Variants in CPNE8 observed in about 807,000 individuals in gnomAD.
CPNE8 encodes the protein copine 8, also known as copine-8.
A neutral mutation model predicts 81.5 loss-of-function variants in CPNE8; 45 were observed. The observed-to-expected ratio is 0.55, with a 90% CI of 0.44 to 0.71. CPNE8 has a LOEUF of 0.71. CPNE8 is among the 30% of genes least tolerant of loss of function. The pLI is 0.00. For synonymous variants in CPNE8, 252 were observed against 226.3 expected (o/e 1.11, Z -1.02); for missense variants, 594 against 672.1 (o/e 0.88, Z 1.28).
chr12:38,796,742 G>T (rs995305052), intron 6 of CPNE8, among the ~76,000 whole-genome samples: 1 of 152,120 alleles, frequency 6.6e-6, no homozygotes, highest in African/African-American at 2.4e-5. Flanking sequence ...GCAGGGTGAG[G>T]AATTGCCTCA....
chr12:38,691,748 CCAAGAT>C (rs1189335235), intron 15 of CPNE8, among the ~76,000 whole-genome samples: 1 of 152,092 alleles, frequency 6.6e-6, no homozygotes, highest in African/African-American at 2.4e-5. Flanking sequence ...GCTGGAAAGT[CCAAGAT>C]CAAGAAGTCA....
chr12:38,758,762 A>G (rs1230171630), intron 10 of CPNE8, among the ~76,000 whole-genome samples: 1 of 152,214 alleles, frequency 6.6e-6, no homozygotes, highest in African/African-American at 2.4e-5. Context: ...AGGAATGCTC[A>G]AAATGCTCAA....
At chr12:38,763,983 A>T (rs1333262353) in intron 8 of CPNE8, among the ~76,000 whole-genome samples, 1 of 152,110 alleles carries the variant, frequency 6.6e-6, no homozygotes, top group Non-Finnish European at 1.5e-5. Flanking sequence ...TACTTTATGA[A>T]AGGATCAAGT....
chr12:38,802,537 A>G (rs1211344426), intron 6 of CPNE8, among the ~76,000 whole-genome samples: 1 of 67,450 alleles, frequency 1.5e-5, no homozygotes, highest in Non-Finnish European at 3.1e-5. Flanking sequence ...ATAGCACTAA[A>G]CGCCTACAAG....
At position 38,876,007 on chromosome 12, in the gene CPNE8, ATAT is replaced by A. The variant is rs538354894; in HGVS notation, c.99-1499_99-1497del. On this transcript the variant is annotated intron_variant, in intron 1 of 19. Transcript: ENST00000331366. ...TTTGCTCATTAGGTATCCTAGGAAA[ATAT>A]TATGCTGTTTCTTTCAGAATTCACA... is the stretch of plus-strand genomic sequence containing the variant. 2.9e-3 allele frequency among the ~76,000 whole-genome samples: 449 copies of A among 152,282 alleles called. 2 individuals carry two copies. Among genetic ancestry groups the A allele is most frequent in the Non-Finnish European group, 4.9e-3 (331 of 68,022 alleles).
rs541704501 is a variant in CPNE8, at chr12:38,685,627, T to C, written c.1144-10A>G. Reference sequence around the variant, plus strand: ...TTTGAGGATTCCCATTCTGTAGAAATTTATAGGCAAAACAAAACAAAACAA... The same window carrying C: ...TTTGAGGATTCCCATTCTGTAGAAACTTATAGGCAAAACAAAACAAAACAA... On this transcript the variant is annotated splice_polypyrimidine_tract_variant and intron_variant, in intron 15 of 19. Coordinates refer to ENST00000331366, the MANE Select transcript of CPNE8 (RefSeq NM_153634.3). 4.7e-5 allele frequency: 76 copies of C among 1,606,894 alleles called. No individual in the cohort carries two copies. Among genetic ancestry groups the C allele is most frequent in the Non-Finnish European group, 6.0e-5 (71 of 1,177,722 alleles).
intron 6 of CPNE8, 38 bp downstream of exon 6, chr12:38,829,341 A>T: frequency 7.3e-7 from 1 of 1,366,300 alleles, no homozygotes; most frequent in South Asian, 1.2e-5. Context: ...GAAACTGTTA[A>T]AGTTGGCATT....
At chr12:38,756,458 A>T (rs1213331224) in intron 10 of CPNE8, among the ~76,000 whole-genome samples, 1 of 150,974 alleles carries the variant, frequency 6.6e-6, no homozygotes, top group East Asian at 2.0e-4. Flanking sequence ...GGCTCAAGCC[A>T]TCTTCCTGCC....
intron 13 of CPNE8, among the ~76,000 whole-genome samples, chr12:38,723,090 A>G (rs904875521): frequency 3.3e-5 from 5 of 152,158 alleles, no homozygotes; most frequent in South Asian, 2.1e-4. Flanking sequence ...TAAATTACCC[A>G]GTTCGGGGTA....
At chr12:38,821,268 C>T (rs1166384220) in intron 6 of CPNE8, among the ~76,000 whole-genome samples, 1 of 152,076 alleles carries the variant, frequency 6.6e-6, no homozygotes, top group Non-Finnish European at 1.5e-5. Flanking sequence ...AAGACAGGAA[C>T]AACTTTGCAT....
intron 18 of CPNE8, among the ~76,000 whole-genome samples, chr12:38,675,018 T>C (rs1939257026): frequency 6.6e-6 from 1 of 152,210 alleles, no homozygotes; most frequent in Non-Finnish European, 1.5e-5. Flanking sequence ...CTTAAAGGAA[T>C]TTATCAGATG....
At chr12:38,657,653 G>T (rs1565556707) in intron 19 of CPNE8, among the ~76,000 whole-genome samples, 1 of 152,130 alleles carries the variant, frequency 6.6e-6, no homozygotes. Context: ...ATACAGCTGG[G>T]TGCCCCTCTG....
intron 13 of CPNE8, 62 bp downstream of exon 13, chr12:38,723,710 C>T (rs926391253): frequency 1.0e-5 from 10 of 988,882 alleles, no homozygotes; most frequent in South Asian, 2.6e-5. Context: ...CTCGTGGTAG[C>T]GCTTGTTACA....
intron 1 of CPNE8, among the ~76,000 whole-genome samples, chr12:38,881,052 TA>T (rs1944147577): frequency 6.7e-6 from 1 of 149,794 alleles, no homozygotes; most frequent in South Asian, 2.1e-4. Flanking sequence ...CTACTAAAAA[TA>T]CAAAAAATTA....
At chr12:38,795,346 C>A (rs1055234352) in intron 6 of CPNE8, among the ~76,000 whole-genome samples, 6 of 152,196 alleles carry the variant, frequency 3.9e-5, no homozygotes, top group South Asian at 2.1e-4. Flanking sequence ...AGTAGATCTA[C>A]CATATGATCC....
intron 6 of CPNE8, among the ~76,000 whole-genome samples, chr12:38,794,756 T>C (rs1244240453): frequency 6.6e-6 from 1 of 152,034 alleles, no homozygotes; most frequent in Non-Finnish European, 1.5e-5. Context: ...TAGAAAACAG[T>C]ATGAATGTGA....
At position 38,887,619 on chromosome 12, in the gene CPNE8, A is replaced by T. The variant is rs545121012; in HGVS notation, c.99-13108T>A. On this transcript the variant is annotated intron_variant, in intron 1 of 19. Coordinates refer to ENST00000331366, the MANE Select transcript of CPNE8 (RefSeq NM_153634.3). The stretch of plus-strand genomic sequence containing the variant: ...AGTTGAATATCTGTATAAAAACAAG[A>T]ATTCCTTGCTAAGCTATTGAAACTT... 2.6e-5 allele frequency among the ~76,000 whole-genome samples: 4 copies of T among 152,320 alleles called. No individual in the cohort carries two copies. In the South Asian group the frequency reaches 8.3e-4, roughly 32 times the overall value.
intron 6 of CPNE8, among the ~76,000 whole-genome samples, chr12:38,807,824 A>C (rs1042606158): frequency 6.6e-5 from 10 of 152,134 alleles, no homozygotes; most frequent in South Asian, 2.1e-4. Flanking sequence ...CAACCTACAA[A>C]ATGGGAGAAA....
At chr12:38,676,577 C>T (rs751143758) in intron 17 of CPNE8, among the ~76,000 whole-genome samples, 4 of 152,020 alleles carry the variant, frequency 2.6e-5, no homozygotes, top group Non-Finnish European at 5.9e-5. Context: ...TACAAATGAT[C>T]ATTACAGAAA....
Sources: allele counts gnomAD v4.1 joint callset (sites outside exome capture counted in the v4.1 genomes callset), GRCh38; gene constraint gnomAD v4.1.1; transcripts MANE v1.5; gene names NCBI Gene and HGNC (gene_info 2026-07-23, HGNC 2026-07-21).